C4orf51: variants seen among roughly 807,000 people sequenced by gnomAD.
The protein encoded by C4orf51 is chromosome 4 open reading frame 51.
A neutral mutation model predicts 25.2 loss-of-function variants in C4orf51; 25 were observed. That is an observed-to-expected ratio of 0.99 (90% CI 0.72 to 1.39). The LOEUF (loss-of-function observed/expected upper bound fraction) is 1.39. C4orf51 is among the 40% of genes most tolerant of loss of function. C4orf51 has a pLI of 0.00. For missense variants in C4orf51, 252 were observed against 239.6 expected (o/e 1.05, Z -0.34); for synonymous variants, 100 against 84.5 (o/e 1.18, Z -1.01).
chr4:145,760,770 T>C (rs1237540687), intron 1 of C4orf51: 2 of 1,100,624 alleles, frequency 1.8e-6, no homozygotes, highest in South Asian at 4.0e-5. Context: ...GTACAGAACA[T>C]GGCTGCCCTC....
At chr4:145,770,098 G>A (rs1736014765) in intron 1 of C4orf51, among the ~76,000 whole-genome samples, 1 of 152,054 alleles carries the variant, frequency 6.6e-6, no homozygotes, top group Admixed American at 6.6e-5. Flanking sequence ...AGGAGTTTGA[G>A]ACCAGCCTGG....
downstream of C4orf51, among the ~76,000 whole-genome samples, chr4:145,733,199 C>A (rs1452996445): frequency 1.3e-5 from 2 of 152,072 alleles, no homozygotes; most frequent in Non-Finnish European, 1.5e-5. Context: ...TCTTCCCGCT[C>A]CTCCCGGCCC....
intron 1 of C4orf51, among the ~76,000 whole-genome samples, chr4:145,687,573 C>G (rs1451911335): frequency 6.6e-6 from 1 of 152,142 alleles, no homozygotes; most frequent in Non-Finnish European, 1.5e-5. Flanking sequence ...CTCATTGTTG[C>G]TTAGGGGGAA....
In C4orf51 at chr4:145,765,441, G is replaced by T; in HGVS notation, n.167-5547G>T. On this transcript the variant is annotated intron_variant and non_coding_transcript_variant, in intron 1 of 1. Coordinates refer to the C4orf51 transcript ENST00000510096. This position sits in a 1 kb window ranked among gnomAD's most constrained non-coding sequence, Gnocchi z 4.7. ...GTGAGGCCCAGCATACTGCATCCTGGGCCTATTATCAGTTTTTGACATCGC... is the reference window on the plus strand; with the variant it reads ...GTGAGGCCCAGCATACTGCATCCTGTGCCTATTATCAGTTTTTGACATCGC... 2.2e-6 allele frequency: 3 copies of T among 1,339,202 alleles called. No individual in the cohort carries two copies. The highest frequency in any genetic ancestry group is 3.0e-6 in the Non-Finnish European group (3 of 986,926). The allele number at this position is 1,339,202 out of a possible 1,614,324, so 83.0% of individuals were successfully genotyped here.
At position 145,726,900 on chromosome 4, in the gene C4orf51, T is replaced by G. The variant is rs750584342; in HGVS notation, c.308-11T>G. The G allele has an allele frequency of 3.7e-6, 6 of 1,608,684 alleles. No individual in the cohort carries two copies. The highest frequency in any genetic ancestry group is 4.5e-5 in the East Asian group (2 of 44,850). On this transcript the variant is annotated splice_polypyrimidine_tract_variant and intron_variant, in intron 2 of 5. Coordinates refer to ENST00000438731, the MANE Select transcript of C4orf51 (RefSeq NM_001080531.3). ...ATTTAATCCTGATTTTCCCTCTTCA[T>G]GTGCATGCAGGACTATTCCCTGATA...
chr4:145,706,973 G>A (rs1425222449), intron 2 of C4orf51, among the ~76,000 whole-genome samples: 4 of 152,128 alleles, frequency 2.6e-5, no homozygotes, highest in East Asian at 1.9e-4. Flanking sequence ...GACCACGCCC[G>A]GCTAATTTAT....
downstream of C4orf51, among the ~76,000 whole-genome samples, chr4:145,757,006 G>A (rs757191560): frequency 3.3e-5 from 5 of 152,116 alleles, no homozygotes; most frequent in African/African-American, 1.2e-4. Flanking sequence ...ATATATTTTT[G>A]TCAACCATCA....
At chr4:145,723,362 AAC>A (rs1220936266) in intron 2 of C4orf51, among the ~76,000 whole-genome samples, 1 of 152,186 alleles carries the variant, frequency 6.6e-6, no homozygotes, top group Non-Finnish European at 1.5e-5. Context: ...TGTGTTCACG[AAC>A]CTTCATTTCT....
chr4:145,763,227 A>G lies in C4orf51; in HGVS notation n.167-7761A>G. ...ACAGAAAAGCAATTTAGACATCAGC[A>G]GTCTGTTTCATTTTAAGGACATTTC... On this transcript the variant is annotated intron_variant and non_coding_transcript_variant, in intron 1 of 1. Transcript: ENST00000510096. This position sits in a 1 kb window ranked among gnomAD's most constrained non-coding sequence, Gnocchi z 4.6. The G allele has an allele frequency of 8.8e-7, 1 of 1,138,234 alleles. No homozygotes were observed. Among genetic ancestry groups the G allele is most frequent in the East Asian group, 2.6e-5 (1 of 38,812 alleles). The allele number at this position is 1,138,234 out of a possible 1,614,324, so 70.5% of individuals were successfully genotyped here. A position where few individuals can be genotyped will look rare whatever the true frequency, so the allele number is the denominator to read the frequency against.
intron 2 of C4orf51, among the ~76,000 whole-genome samples, chr4:145,713,344 T>C (rs998071518): frequency 7.9e-5 from 12 of 152,258 alleles, no homozygotes; most frequent in Admixed American, 7.8e-4. Context: ...CCAGTCTAGA[T>C]GCCATTAAGA....
intron 2 of C4orf51, among the ~76,000 whole-genome samples, chr4:145,718,524 C>T (rs1224283032): frequency 6.6e-6 from 1 of 152,210 alleles, no homozygotes; most frequent in Non-Finnish European, 1.5e-5. Flanking sequence ...CTTTCCAAGC[C>T]TTGAAAGACT....
chr4:145,696,498 G>A (rs1730065980), intron 1 of C4orf51, 61 bp from the exon 2 acceptor site: 1 of 1,332,702 alleles, frequency 7.5e-7, no homozygotes. Context: ...AAGTCCACAG[G>A]CTTCATGTGA....
rs564207865 is a variant in C4orf51 at position 145,761,388 on chromosome 4, G to C, written n.167-9600G>C. ...CCCCGGTGTGGACGCGCACGTGCTC[G>C]ATGAGCTTGTTGGCGGTCTTGGACA... On this transcript the variant is annotated intron_variant and non_coding_transcript_variant, in intron 1 of 1. Coordinates refer to the C4orf51 transcript ENST00000510096. This position sits in a 1 kb window ranked among gnomAD's most constrained non-coding sequence, Gnocchi z 6.8. 1.6e-6 allele frequency: 2 copies of C among 1,289,908 alleles called. No homozygotes were observed. The highest frequency in any genetic ancestry group is 2.3e-5 in the Admixed American group (1 of 43,578). The allele number at this position is 1,289,908 out of a possible 1,614,324, so 79.9% of individuals were successfully genotyped here.
intron 2 of C4orf51, among the ~76,000 whole-genome samples, chr4:145,717,947 A>G (rs950058470): frequency 6.6e-6 from 1 of 152,244 alleles, no homozygotes; most frequent in Non-Finnish European, 1.5e-5. Flanking sequence ...CTTTCTCTCC[A>G]TTGTACTATG....
At position 145,765,222 on chromosome 4, in the gene C4orf51, G is replaced by A; in HGVS notation, n.167-5766G>A. ...ACAGGGCAGCGGGGAGAGGAGGGCA[G>A]GAGTGGAGCCAAGCTCCTCCCCACT... is the stretch of plus-strand genomic sequence containing the variant. On this transcript the variant is annotated intron_variant and non_coding_transcript_variant, in intron 1 of 1. Transcript: ENST00000510096. This position sits in a 1 kb window ranked among gnomAD's most constrained non-coding sequence, Gnocchi z 4.7. 6.6e-7 allele frequency: 1 copy of A among 1,509,764 alleles called. No homozygotes were observed. The highest frequency in any genetic ancestry group is 8.9e-7 in the Non-Finnish European group (1 of 1,124,780). 93.5% of individuals were successfully genotyped at this position (1,509,764 alleles called of 1,614,324 possible). A position where few individuals can be genotyped will look rare whatever the true frequency, so the allele number is the denominator to read the frequency against.
intron 2 of C4orf51, 117 bp from the exon 3 acceptor site, chr4:145,726,794 G>A: frequency 1.2e-6 from 1 of 818,484 alleles, no homozygotes; most frequent in Non-Finnish European, 2.1e-6. Context: ...TTGGTTAGAT[G>A]CTAAAGGGAA....
chr4:145,695,896 C>A (rs931613678), intron 1 of C4orf51, among the ~76,000 whole-genome samples: 2 of 152,136 alleles, frequency 1.3e-5, no homozygotes, highest in African/African-American at 4.8e-5. Context: ...TTAACCTTAG[C>A]AAACTAATGC....
chr4:145,777,671 A>C, the C4orf51 span, among the ~76,000 whole-genome samples: 8 of 152,206 alleles, frequency 5.3e-5, no homozygotes, highest in African/African-American at 1.9e-4. Context: ...TCATTTTCTT[A>C]ATCAGGCTTA....
chr4:145,728,271 G>A (rs1050933110), intron 3 of C4orf51, among the ~76,000 whole-genome samples: 1 of 151,648 alleles, frequency 6.6e-6, no homozygotes, highest in Non-Finnish European at 1.5e-5. Flanking sequence ...CCCTAGTAGT[G>A]CGTGAGAGTG....
Sources: allele counts gnomAD v4.1 joint callset (sites outside exome capture counted in the v4.1 genomes callset), GRCh38; gene constraint gnomAD v4.1.1; non-coding constraint Gnocchi (gnomAD v3.1); transcripts MANE v1.5; gene names NCBI Gene and HGNC (gene_info 2026-07-23, HGNC 2026-07-21).